Variants in UBE2W observed in about 807,000 individuals in gnomAD.
The protein encoded by UBE2W is ubiquitin-conjugating enzyme E2 W.
Under a neutral mutation model 27.2 loss-of-function variants are expected in UBE2W, and 18 were observed. The ratio of observed to expected loss-of-function variants is 0.66; its 90% confidence interval spans 0.46 to 0.98. The LOEUF (loss-of-function observed/expected upper bound fraction) is 0.98. Among genes scored for constraint, UBE2W ranks in the 50% least tolerant of loss-of-function variants. The pLI is 0.00. For missense variants in UBE2W, 90 were observed against 180.2 expected, an observed-to-expected ratio of 0.50 and a Z score of 2.87; for synonymous variants, 53 against 57.2, an observed-to-expected ratio of 0.93 and a Z score of 0.33.
At position 73,788,546 on chromosome 8, in the gene UBE2W, G is replaced by T; in HGVS notation, c.*5556C>A. On this transcript the variant is annotated 3_prime_UTR_variant, in exon 6 of 6. Coordinates refer to ENST00000602593, the MANE Select transcript of UBE2W (RefSeq NM_018299.6). ...AACAATCTGTGGTTAACTATGAAAA[G>T]ATGCATTTTCATGGTATCTGACACA... The T allele has an allele frequency of 1.0e-6, 1 of 985,344 alleles. No individual in the cohort carries two copies. The highest frequency in any genetic ancestry group is 1.2e-6 in the Non-Finnish European group (1 of 829,890). 61.0% of individuals were successfully genotyped at this position (985,344 alleles called of 1,614,324 possible).
chr8:73,789,932 A>G lies in UBE2W; in HGVS notation c.*4170T>C. The G allele has an allele frequency of 9.2e-6, 9 of 983,436 alleles. No individual in the cohort carries two copies. The highest frequency in any genetic ancestry group is 1.1e-5 in the Non-Finnish European group (9 of 828,106). 60.9% of individuals were successfully genotyped at this position (983,436 alleles called of 1,614,324 possible). A position where few individuals can be genotyped will look rare whatever the true frequency, so the allele number is the denominator to read the frequency against. ...GAAAAAATAAATAATTTGCTTGGAC[A>G]ATAATTTGGCTTTGGGAGAGTCCTC... On this transcript the variant is annotated 3_prime_UTR_variant, in exon 6 of 6. Coordinates refer to ENST00000602593, the MANE Select transcript of UBE2W (RefSeq NM_018299.6).
chr8:73,837,927 T>G (rs1474527962), intron 1 of UBE2W, among the ~76,000 whole-genome samples: 1 of 151,768 alleles, frequency 6.6e-6, no homozygotes, highest in Non-Finnish European at 1.5e-5. Context: ...CAGAAGAGGC[T>G]GTTTCCTTTT....
intron 2 of UBE2W, 120 bp downstream of exon 2, chr8:73,830,261 C>G (rs899179947): frequency 2.9e-6 from 2 of 700,244 alleles, no homozygotes; most frequent in Non-Finnish European, 4.9e-6. Context: ...TCTGTTTACT[C>G]TATTTACCTC....
chr8:73,851,709 C>A (rs888827688), intron 1 of UBE2W, among the ~76,000 whole-genome samples: 21 of 152,012 alleles, frequency 1.4e-4, no homozygotes, highest in African/African-American at 5.1e-4. Flanking sequence ...TGAGACATTA[C>A]TAATGAACAA....
At chr8:73,878,752 G>T in intron 1 of UBE2W, 56 bp downstream of exon 1, 1 of 1,464,288 alleles carries the variant, frequency 6.8e-7, no homozygotes, top group Non-Finnish European at 9.4e-7. Context: ...CCGCCCGAAC[G>T]CTGGCACTCT....
intron 1 of UBE2W, among the ~76,000 whole-genome samples, chr8:73,857,607 G>T (rs965586274): frequency 1.3e-5 from 2 of 152,000 alleles, no homozygotes; most frequent in Non-Finnish European, 2.9e-5. Context: ...CACAAGGTCA[G>T]GAGTTCGAGA....
chr8:73,796,341 T>A (rs553664316), intron 5 of UBE2W, among the ~76,000 whole-genome samples: 1 of 152,188 alleles, frequency 6.6e-6, no homozygotes, highest in African/African-American at 2.4e-5. Flanking sequence ...AAGATAACAA[T>A]ATATACAATA....
chr8:73,867,709 C>A (rs374806699), intron 1 of UBE2W, among the ~76,000 whole-genome samples: 83 of 75,970 alleles, frequency 1.1e-3, no homozygotes, highest in African/African-American at 3.7e-3. Context: ...GAGGCTCTGT[C>A]TCAGAAAAAA....
At chr8:73,820,215 C>A (rs944094139) in intron 3 of UBE2W, among the ~76,000 whole-genome samples, 1 of 152,150 alleles carries the variant, frequency 6.6e-6, no homozygotes, top group African/African-American at 2.4e-5. Flanking sequence ...TTTCCCAGGG[C>A]AGTGGATCTC....
Position 73,787,471 on chromosome 8 carries a change from TTATC to T in UBE2W, c.*6627_*6630del, listed in dbSNP as rs1270738279. 2.0e-6 allele frequency: 2 copies of T among 985,266 alleles called. No individual in the cohort carries two copies. The highest frequency in any genetic ancestry group is 1.2e-6 in the Non-Finnish European group (1 of 829,926). The allele number at this position is 985,266 out of a possible 1,614,324, so 61.0% of individuals were successfully genotyped here. A position where few individuals can be genotyped will look rare whatever the true frequency, so the allele number is the denominator to read the frequency against. On this transcript the variant is annotated 3_prime_UTR_variant, in exon 6 of 6. Coordinates refer to ENST00000602593, the MANE Select transcript of UBE2W (RefSeq NM_018299.6). ...AAAGTACAAAAGATGGTTCATATAT[TTATC>T]TAACCATCTACTAACATAGTTGTGT... is the stretch of plus-strand genomic sequence containing the variant.
intron 1 of UBE2W, among the ~76,000 whole-genome samples, chr8:73,875,126 G>C (rs1035412388): frequency 7.2e-5 from 11 of 152,096 alleles, no homozygotes; most frequent in African/African-American, 2.4e-4. Flanking sequence ...ACAATAGGAA[G>C]GAAAAGAAAA....
chr8:73,792,550 C>T lies in UBE2W; in HGVS notation c.*1552G>A, dbSNP rs762989363. 107 of 985,440 alleles carry T rather than the reference C, an allele frequency of 1.1e-4. No individual in the cohort carries two copies. The highest frequency in any genetic ancestry group is 1.2e-4 in the African/African-American group (7 of 57,178). 61.0% of individuals were successfully genotyped at this position (985,440 alleles called of 1,614,324 possible). ...TTGATTGAATGGTTTTACTGGGGTA[C>T]GTATTTCAAACCTTTCAGCCAACTG... On this transcript the variant is annotated 3_prime_UTR_variant, in exon 6 of 6. Coordinates refer to ENST00000602593, the MANE Select transcript of UBE2W (RefSeq NM_018299.6).
At position 73,828,084 on chromosome 8, in the gene UBE2W, C is replaced by T. The variant is rs915356824; in HGVS notation, c.107+2297G>A. 5.3e-5 allele frequency among the ~76,000 whole-genome samples: 8 copies of T among 152,180 alleles called. No individual in the cohort carries two copies. The South Asian group carries it at 1.7e-3, about 32-fold the overall frequency. On this transcript the variant is annotated intron_variant, in intron 2 of 5. Transcript: ENST00000602593. Reference sequence around the variant, plus strand: ...CCATCAGGGTTTATGATTCCAATCACAAGCATATGCCCCAGAGTAAGGATG... The same window carrying T: ...CCATCAGGGTTTATGATTCCAATCATAAGCATATGCCCCAGAGTAAGGATG...
At chr8:73,873,649 C>T (rs901294400) in intron 1 of UBE2W, among the ~76,000 whole-genome samples, 2 of 152,108 alleles carry the variant, frequency 1.3e-5, no homozygotes, top group African/African-American at 4.8e-5. Context: ...GAGTGAGACC[C>T]TGTCTCAGAG....
Position 73,793,246 on chromosome 8 carries a change from T to C in UBE2W, c.*856A>G. 2 of 985,116 alleles carry C rather than the reference T, an allele frequency of 2.0e-6. No individual in the cohort carries two copies. Among genetic ancestry groups the C allele is most frequent in the Non-Finnish European group, 2.4e-6 (2 of 829,904 alleles). The allele number at this position is 985,116 out of a possible 1,614,324, so 61.0% of individuals were successfully genotyped here. ...GTGTAACTTACTTGGAAAAAATCTT[T>C]AATGTACAAATAACAAGCCCAAATT... On this transcript the variant is annotated 3_prime_UTR_variant, in exon 6 of 6. Transcript: ENST00000602593.
chr8:73,875,113 G>C lies in UBE2W; in HGVS notation c.15+3695C>G, dbSNP rs570187644. On this transcript the variant is annotated intron_variant, in intron 1 of 5. Transcript: ENST00000602593. ...GTGATACATTACTTTTTTCTAGGAA[G>C]AAACAATAGGAAGGAAAAGAAAAAA... Among the ~76,000 whole-genome samples the C allele has an allele frequency of 3.3e-5, 5 of 152,156 alleles. No individual in the cohort carries two copies. The East Asian group carries it at 9.6e-4, about 29-fold the overall frequency.
intron 1 of UBE2W, among the ~76,000 whole-genome samples, chr8:73,860,351 A>G (rs1811489961): frequency 6.6e-6 from 1 of 152,210 alleles, no homozygotes; most frequent in Non-Finnish European, 1.5e-5. Flanking sequence ...ACAGCAATGG[A>G]ATCAGAGATA....
At chr8:73,849,051 A>AC (rs1810947208) in intron 1 of UBE2W, among the ~76,000 whole-genome samples, 1 of 151,818 alleles carries the variant, frequency 6.6e-6, no homozygotes, top group Non-Finnish European at 1.5e-5. Context: ...TAAACAAAAA[A>AC]AGAAAAAGCA....
rs1808231429 is a variant in UBE2W at position 73,792,146 on chromosome 8, T to C, written c.*1956A>G. 1 of 985,354 alleles carries C rather than the reference T, an allele frequency of 1.0e-6. No individual in the cohort carries two copies. Among genetic ancestry groups the C allele is most frequent in the African/African-American group, 1.7e-5 (1 of 57,260 alleles). 61.0% of individuals were successfully genotyped at this position (985,354 alleles called of 1,614,324 possible). Reference sequence around the variant, plus strand: ...ACATAATTTACAGCTGCAATTTTCATATTAAAAGCAGTTTAAAACTATGAG... The same window carrying C: ...ACATAATTTACAGCTGCAATTTTCACATTAAAAGCAGTTTAAAACTATGAG... On this transcript the variant is annotated 3_prime_UTR_variant, in exon 6 of 6. Transcript: ENST00000602593.
Sources: gnomAD v4.1 joint callset for allele counts (sites outside exome capture counted in the v4.1 genomes callset) on GRCh38, gnomAD v4.1.1 for gene constraint, MANE v1.5 for transcripts, NCBI Gene and HGNC (gene_info 2026-07-23, HGNC 2026-07-21) for gene names.